Variants in NKAIN2 observed in about 807,000 individuals in gnomAD.
NKAIN2 encodes the protein sodium/potassium transporting ATPase interacting 2.
Under a neutral mutation model 32.6 loss-of-function variants are expected in NKAIN2, and 14 were observed. The observed-to-expected ratio is 0.43, with a 90% CI of 0.28 to 0.67. The LOEUF (loss-of-function observed/expected upper bound fraction) is 0.67. NKAIN2 is among the 30% of genes least tolerant of loss of function. The pLI is 0.17. For synonymous variants in NKAIN2, 80 were observed against 87.2 expected, an observed-to-expected ratio of 0.92 and a Z score of 0.46; for missense variants, 198 against 258.3, an observed-to-expected ratio of 0.77 and a Z score of 1.60.
intron 3 of NKAIN2, among the ~76,000 whole-genome samples, chr6:124,373,883 G>A (rs1056319653): frequency 6.6e-6 from 1 of 152,120 alleles, no homozygotes; most frequent in South Asian, 2.1e-4. Context: ...AGTAAAGGCG[G>A]CTTTTTCATG....
At chr6:124,769,944 T>C (rs1215410739) in intron 4 of NKAIN2, among the ~76,000 whole-genome samples, 6 of 152,178 alleles carry the variant, frequency 3.9e-5, no homozygotes. Flanking sequence ...GTTTCATATG[T>C]CACACCTTCT....
chr6:124,753,311 CT>C (rs1777813376), intron 4 of NKAIN2, among the ~76,000 whole-genome samples: 1 of 152,116 alleles, frequency 6.6e-6, no homozygotes, highest in Admixed American at 6.6e-5. Flanking sequence ...AAACTGCACA[CT>C]ATGATTATAA....
rs192867753 is a variant in NKAIN2, at chr6:124,602,495, G to A, written c.274-55691G>A. On this transcript the variant is annotated intron_variant, in intron 3 of 6. Coordinates refer to ENST00000368417, the MANE Select transcript of NKAIN2 (RefSeq NM_001040214.3). ...AAGGACTTTGAGAATTGAAACAAAG[G>A]CATAGGTAAAATGAGTGTCGTGCAT... Among the ~76,000 whole-genome samples the A allele has an allele frequency of 1.2e-4, 18 of 151,994 alleles. No individual in the cohort carries two copies. In the East Asian group the frequency reaches 2.5e-3, roughly 21 times the overall value.
chr6:124,242,610 A>C (rs1045347947), intron 1 of NKAIN2, among the ~76,000 whole-genome samples: 6 of 152,160 alleles, frequency 3.9e-5, no homozygotes, highest in African/African-American at 1.4e-4. Flanking sequence ...TTTATGCAGC[A>C]CTATTCACAA....
At chr6:124,759,655 A>ACC (rs3223322) in intron 4 of NKAIN2, among the ~76,000 whole-genome samples, 27 of 53,134 alleles carry the variant, frequency 5.1e-4, no homozygotes, top group African/African-American at 1.2e-3. Context: ...ACACACACAC[A>ACC]CCCCCTATCT....
chr6:124,726,140 C>T (rs1250775589), intron 4 of NKAIN2, among the ~76,000 whole-genome samples: 11 of 152,224 alleles, frequency 7.2e-5, no homozygotes, highest in Non-Finnish European at 1.3e-4. Context: ...GAGGGGCGCC[C>T]ACCATTGCCC....
intron 4 of NKAIN2, among the ~76,000 whole-genome samples, chr6:124,674,230 G>T (rs1041688504): frequency 6.6e-6 from 1 of 151,830 alleles, no homozygotes; most frequent in Non-Finnish European, 1.5e-5. Context: ...TGTATCTGTT[G>T]TTATGCCAGT....
intron 1 of NKAIN2, among the ~76,000 whole-genome samples, chr6:124,015,382 A>G (rs1372305150): frequency 6.6e-6 from 1 of 152,156 alleles, no homozygotes; most frequent in African/African-American, 2.4e-5. Flanking sequence ...CTTTTCCTCA[A>G]CTAAATCATA....
chr6:124,219,909 C>T lies in NKAIN2; in HGVS notation c.55-63096C>T, dbSNP rs149681920. Among the ~76,000 whole-genome samples, 460 of 152,058 alleles carry T rather than the reference C, an allele frequency of 3.0e-3. 3 individuals are homozygous for T. Among genetic ancestry groups the T allele is most frequent in the African/African-American group, 0.01 (421 of 41,470 alleles). ...AGGAAATAAACAACAAATTTAGATA[C>T]GAAAGATAAAGGAATGCAAAAAAAT... is the stretch of plus-strand genomic sequence containing the variant. On this transcript the variant is annotated intron_variant, in intron 1 of 6. Transcript: ENST00000368417.
chr6:124,446,619 A>G (rs796379181), intron 3 of NKAIN2, among the ~76,000 whole-genome samples: 2 of 152,264 alleles, frequency 1.3e-5, no homozygotes, highest in African/African-American at 4.8e-5. Flanking sequence ...CTGGAATTAC[A>G]GGCATCAGCC....
chr6:124,760,010 A>G (rs1041800566), intron 4 of NKAIN2, among the ~76,000 whole-genome samples: 12 of 152,016 alleles, frequency 7.9e-5, no homozygotes, highest in African/African-American at 2.7e-4. Flanking sequence ...GGAACAGGGA[A>G]CACCTAGTTG....
intron 2 of NKAIN2, among the ~76,000 whole-genome samples, chr6:124,290,370 T>C (rs1795745515): frequency 7.1e-6 from 1 of 140,282 alleles, no homozygotes. Flanking sequence ...TAGTTTCTTT[T>C]TCTAAAATAA....
rs145968636 is a variant in NKAIN2, at chr6:124,328,474, A to G, written c.193-26793A>G. On this transcript the variant is annotated intron_variant, in intron 2 of 6. Coordinates refer to ENST00000368417, the MANE Select transcript of NKAIN2 (RefSeq NM_001040214.3). Reference sequence around the variant, plus strand: ...ATTCAGGGGTCTTTCTCTTTGCTATAATCTGTAGTGATTTCCACACATGTA... The same window carrying G: ...ATTCAGGGGTCTTTCTCTTTGCTATGATCTGTAGTGATTTCCACACATGTA... 9.8e-5 allele frequency among the ~76,000 whole-genome samples: 15 copies of G among 152,286 alleles called. No individual in the cohort carries two copies. In the East Asian group the frequency reaches 2.9e-3, roughly 29 times the overall value.
At chr6:124,160,014 A>G (rs9491075) in intron 1 of NKAIN2, among the ~76,000 whole-genome samples, 8,076 of 152,186 alleles carry the variant, frequency 0.053, 733 homozygotes, top group African/African-American at 0.19. Context: ...GGAATTGGCA[A>G]AAAAGCTTAT....
At chr6:124,662,777 T>G (rs1393240277) in intron 4 of NKAIN2, among the ~76,000 whole-genome samples, 1 of 152,264 alleles carries the variant, frequency 6.6e-6, no homozygotes, top group Admixed American at 6.5e-5. Flanking sequence ...GTATGTTGTA[T>G]GCATGGGAGT....
At chr6:124,809,346 G>A (rs9491242) in intron 5 of NKAIN2, among the ~76,000 whole-genome samples, 5 of 149,744 alleles carry the variant, frequency 3.3e-5, no homozygotes, top group Non-Finnish European at 7.4e-5. Flanking sequence ...ACAACTATCC[G>A]ATCTTTGACA....
intron 3 of NKAIN2, among the ~76,000 whole-genome samples, chr6:124,581,978 C>T (rs1781540586): frequency 6.6e-6 from 1 of 151,778 alleles, no homozygotes; most frequent in African/African-American, 2.4e-5. Flanking sequence ...GAAAAGCAAA[C>T]CAAACCCAAA....
chr6:124,170,230 T>C (rs13203014), intron 1 of NKAIN2, among the ~76,000 whole-genome samples: 2,752 of 152,310 alleles, frequency 0.018, 23 homozygotes, highest in Non-Finnish European at 0.027. Flanking sequence ...TTTCCACTGC[T>C]TTATTGTTCC....
chr6:124,420,599 A>T (rs1254275112), intron 3 of NKAIN2, among the ~76,000 whole-genome samples: 1 of 152,280 alleles, frequency 6.6e-6, no homozygotes, highest in South Asian at 2.1e-4. Flanking sequence ...TCTGCACAGT[A>T]AAACGATTAA....
Sources: allele counts gnomAD v4.1 joint callset (sites outside exome capture counted in the v4.1 genomes callset), GRCh38; gene constraint gnomAD v4.1.1; transcripts MANE v1.5; gene names NCBI Gene and HGNC (gene_info 2026-07-23, HGNC 2026-07-21).